The following TSPAN11 variants were observed in gnomAD, a reference collection of about 807,000 sequenced individuals.
TSPAN11 encodes the protein tetraspanin 11, also known as tetraspanin-11.
In TSPAN11, 29 loss-of-function variants were observed where a neutral mutation model predicts 32.9. The ratio of observed to expected loss-of-function variants is 0.88; its 90% CI spans 0.66 to 1.20. The LOEUF (loss-of-function observed/expected upper bound fraction) is 1.20, where lower values mean the gene tolerates loss of function less well. Ranked by LOEUF, TSPAN11 falls within the 50% of genes most tolerant of loss-of-function variation. TSPAN11 has a pLI of 0.00. For missense variants in TSPAN11, 283 were observed against 329.1 expected, an observed-to-expected ratio of 0.86 and a Z score of 1.08; for synonymous variants, 140 against 141.3, an observed-to-expected ratio of 0.99 and a Z score of 0.07.
At chr12:30,950,277 G>A (rs1938356343) in intron 1 of TSPAN11, among the ~76,000 whole-genome samples, 1 of 152,206 alleles carries the variant, frequency 6.6e-6, no homozygotes, top group African/African-American at 2.4e-5. Flanking sequence ...CTCCAAAGTG[G>A]AGACAGACAG....
At chr12:31,012,402 A>ATCATACATAAGCATGATGCATGTGTG in the TSPAN11 span, 1 of 152,440 alleles carries the variant, frequency 6.6e-6, no homozygotes, top group African/African-American at 2.4e-5. Context: ...ATGCATGTGT[A>ATCATACATAAGCATGATGCATGTGTG]TCATACATAA....
intron 2 of TSPAN11, among the ~76,000 whole-genome samples, chr12:30,958,441 A>G (rs1357334515): frequency 1.3e-5 from 2 of 152,086 alleles, no homozygotes; most frequent in Admixed American, 1.3e-4. Flanking sequence ...GCAGCACCTG[A>G]TGCACGCTTT....
rs57696145 is a variant in TSPAN11 at position 30,979,725 on chromosome 12, G to A, written c.456+55G>A. ...CCAAGCCCACAAGGATTCAAATCCCGACTGTTCTTTCCTTTCTGGGTGACC... is the reference window on the plus strand; with the variant it reads ...CCAAGCCCACAAGGATTCAAATCCCAACTGTTCTTTCCTTTCTGGGTGACC... On this transcript the variant is annotated intron_variant, in intron 5 of 7. Coordinates refer to ENST00000546076, the MANE Select transcript of TSPAN11 (RefSeq NM_001370302.1). 7,588 of 1,580,454 alleles carry A rather than the reference G, an allele frequency of 4.8e-3. 312 individuals are homozygous for A. In the African/African-American group the frequency reaches 0.086, roughly 18 times the overall value.
chr12:30,937,661 A>T (rs1437698198), intron 1 of TSPAN11, among the ~76,000 whole-genome samples: 5 of 152,154 alleles, frequency 3.3e-5, no homozygotes, highest in African/African-American at 2.4e-5. Context: ...TTTGTCTACC[A>T]TCCCCAAGGG....
intron 1 of TSPAN11, among the ~76,000 whole-genome samples, chr12:30,950,199 G>A (rs562798593): frequency 6.6e-5 from 10 of 151,950 alleles, no homozygotes; most frequent in Admixed American, 2.0e-4. Flanking sequence ...ATGTAAGGTC[G>A]CTCTTGACTT....
At chr12:30,976,845 C>T (rs979422648) in intron 3 of TSPAN11, among the ~76,000 whole-genome samples, 26 of 152,254 alleles carry the variant, frequency 1.7e-4, no homozygotes, top group African/African-American at 5.8e-4. Context: ...CTCCACACAC[C>T]TCCCATCCCG....
At chr12:30,966,815 G>C (rs1462857734) in intron 3 of TSPAN11, among the ~76,000 whole-genome samples, 1 of 152,210 alleles carries the variant, frequency 6.6e-6, no homozygotes, top group Non-Finnish European at 1.5e-5. Flanking sequence ...CAAGAGACAG[G>C]GGTGTAGTGA....
At chr12:30,953,110 A>C (rs536972671) in intron 1 of TSPAN11, among the ~76,000 whole-genome samples, 1 of 152,298 alleles carries the variant, frequency 6.6e-6, no homozygotes, top group African/African-American at 2.4e-5. Context: ...GAGGGACAGC[A>C]TGGTGCTGGG....
At chr12:31,002,827 A>G in the TSPAN11 span, among the ~76,000 whole-genome samples, 1 of 152,310 alleles carries the variant, frequency 6.6e-6, no homozygotes, top group African/African-American at 2.4e-5. The surrounding 1 kb of genome is among the most constrained non-coding windows in gnomAD (Gnocchi z 4.8). Context: ...AAAATAGAAC[A>G]TCTACAAGAG....
intron 2 of TSPAN11, among the ~76,000 whole-genome samples, chr12:30,958,971 C>T (rs987753572): frequency 1.3e-5 from 2 of 152,146 alleles, no homozygotes; most frequent in East Asian, 3.9e-4. Flanking sequence ...AGAGAAAAAG[C>T]CTATTCCTCT....
At chr12:30,999,527 T>TA (rs1939458347), downstream of TSPAN11, among the ~76,000 whole-genome samples, 6 of 150,952 alleles carry the variant, frequency 4.0e-5, no homozygotes, top group South Asian at 1.2e-3. Flanking sequence ...GCCTATTTTA[T>TA]AACAAAGTGT....
chr12:30,969,539 T>C (rs11051189), intron 3 of TSPAN11, among the ~76,000 whole-genome samples: 52,468 of 151,962 alleles, frequency 0.35, 9,385 homozygotes, highest in East Asian at 0.53. Context: ...GCAAACATCC[T>C]GAAGAGCTGA....
intron 1 of TSPAN11, among the ~76,000 whole-genome samples, chr12:30,928,438 C>T (rs988512106): frequency 6.6e-6 from 1 of 152,176 alleles, no homozygotes; most frequent in African/African-American, 2.4e-5. Flanking sequence ...TGCCTTCAGA[C>T]CCAGGGCCAA....
At chr12:30,978,724 T>C in intron 4 of TSPAN11, 89 bp downstream of exon 4, 1 of 1,383,170 alleles carries the variant, frequency 7.2e-7, no homozygotes, top group Non-Finnish European at 1.0e-6. Context: ...TGAGGGAAGC[T>C]GAGGAAGGCA....
chr12:30,939,232 C>A (rs567811572), intron 1 of TSPAN11, among the ~76,000 whole-genome samples: 33 of 103,578 alleles, frequency 3.2e-4, no homozygotes, highest in Middle Eastern at 4.2e-3. Flanking sequence ...CAGAGCAAGA[C>A]TCCATCAAAA....
In TSPAN11 at chr12:30,975,862, C is replaced by T. The variant is rs1452018154; in HGVS notation, c.277-2699C>T. On this transcript the variant is annotated intron_variant, in intron 3 of 7. Coordinates refer to ENST00000546076, the MANE Select transcript of TSPAN11 (RefSeq NM_001370302.1). This position sits in a 1 kb window ranked among gnomAD's most constrained non-coding sequence, Gnocchi z 4.5. ...CAGGGGCACTCCATCACCTCTTCCT[C>T]CCATGCCCCAGAGGTCTCTGGGAGC... Among the ~76,000 whole-genome samples the T allele has an allele frequency of 6.6e-6, 1 of 152,192 alleles. No individual in the cohort carries two copies.
chr12:30,961,558 A>G (rs1350310215), intron 2 of TSPAN11, among the ~76,000 whole-genome samples: 1 of 151,996 alleles, frequency 6.6e-6, no homozygotes, highest in Non-Finnish European at 1.5e-5. Context: ...TTTTCTAAAG[A>G]GATGACCATG....
chr12:30,972,518 A>G (rs1401462459), intron 3 of TSPAN11, among the ~76,000 whole-genome samples: 1 of 152,128 alleles, frequency 6.6e-6, no homozygotes, highest in Non-Finnish European at 1.5e-5. Context: ...AGGGAATTCC[A>G]GGCAGGAGGA....
At chr12:30,962,138 T>C (rs1249454587) in intron 2 of TSPAN11, among the ~76,000 whole-genome samples, 1 of 152,028 alleles carries the variant, frequency 6.6e-6, no homozygotes, top group Non-Finnish European at 1.5e-5. Context: ...TGTTAAAATG[T>C]GAGAGAAAAA....
Sources: allele counts gnomAD v4.1 joint callset (sites outside exome capture counted in the v4.1 genomes callset), GRCh38; gene constraint gnomAD v4.1.1; non-coding constraint Gnocchi (gnomAD v3.1); transcripts MANE v1.5; gene names NCBI Gene and HGNC (gene_info 2026-07-23, HGNC 2026-07-21).